The following CTNNA3 variants were observed in gnomAD, a reference collection of about 807,000 sequenced individuals.
CTNNA3 encodes catenin alpha 3, also known as catenin alpha-3.
In CTNNA3, 76 loss-of-function variants were observed where a neutral mutation model predicts 95.7. The observed-to-expected ratio is 0.79, with a 90% CI of 0.66 to 0.96. CTNNA3 has a LOEUF of 0.96. Among genes scored for constraint, CTNNA3 ranks in the 40% least tolerant of loss-of-function variants. CTNNA3 has a pLI of 0.00. For synonymous variants in CTNNA3, 431 were observed against 374.4 expected (o/e 1.15, Z -1.74); for missense variants, 1,191 against 1,089.8 (o/e 1.09, Z -1.31).
intron 12 of CTNNA3, among the ~76,000 whole-genome samples, chr10:66,370,704 T>C (rs2092747419): frequency 1.3e-5 from 2 of 151,972 alleles, no homozygotes; most frequent in Admixed American, 1.3e-4. Flanking sequence ...GTGCAAACAT[T>C]ATGATTTTAT....
At chr10:67,577,588 T>C (rs1173441634) in intron 3 of CTNNA3, among the ~76,000 whole-genome samples, 2 of 152,110 alleles carry the variant, frequency 1.3e-5, no homozygotes, top group Admixed American at 6.6e-5. Context: ...GTTTTAGACG[T>C]GAAACACCCA....
At chr10:67,293,177 T>G (rs1452040722) in intron 5 of CTNNA3, among the ~76,000 whole-genome samples, 1 of 152,156 alleles carries the variant, frequency 6.6e-6, no homozygotes, top group African/African-American at 2.4e-5. Flanking sequence ...TAGACTTTCT[T>G]TTTTATAAGT....
chr10:67,079,035 T>C (rs1048932081), intron 7 of CTNNA3, among the ~76,000 whole-genome samples: 3 of 152,126 alleles, frequency 2.0e-5, no homozygotes, highest in African/African-American at 7.2e-5. Flanking sequence ...CTTAATCCAC[T>C]TCAACTAGAA....
chr10:66,392,944 A>G (rs1302102699), intron 11 of CTNNA3, among the ~76,000 whole-genome samples: 2 of 151,994 alleles, frequency 1.3e-5, no homozygotes, highest in East Asian at 3.9e-4. Flanking sequence ...AAACCTGCAC[A>G]TGTGTCTTAA....
At chr10:66,246,028 G>A (rs1487451231) in intron 13 of CTNNA3, among the ~76,000 whole-genome samples, 1 of 152,202 alleles carries the variant, frequency 6.6e-6, no homozygotes, top group African/African-American at 2.4e-5. Flanking sequence ...GGGACTGGCA[G>A]CCCAGGCCCC....
intron 7 of CTNNA3, among the ~76,000 whole-genome samples, chr10:66,844,626 GAGTC>G (rs574192555): frequency 2.6e-5 from 4 of 152,244 alleles, no homozygotes; most frequent in African/African-American, 9.6e-5. Context: ...TTATATTAAG[GAGTC>G]AGTCAGTAAT....
At chr10:66,619,506 G>C (rs1844662306) in intron 10 of CTNNA3, among the ~76,000 whole-genome samples, 1 of 101,578 alleles carries the variant, frequency 9.8e-6, no homozygotes, top group South Asian at 4.2e-4. Flanking sequence ...GGTGGGAATT[G>C]AACAATGACA....
intron 11 of CTNNA3, among the ~76,000 whole-genome samples, chr10:66,474,620 A>C (rs1589300358): frequency 6.6e-6 from 1 of 152,004 alleles, no homozygotes; most frequent in East Asian, 1.9e-4. Context: ...AGAGACTTAC[A>C]TTCTGTTTTT....
chr10:66,187,181 A>G (rs1483656112), intron 13 of CTNNA3, among the ~76,000 whole-genome samples: 1 of 152,126 alleles, frequency 6.6e-6, no homozygotes, highest in African/African-American at 2.4e-5. Flanking sequence ...GGAAAATCCC[A>G]CGTGCAAAAC....
intron 5 of CTNNA3, among the ~76,000 whole-genome samples, chr10:67,327,751 G>T (rs568617104): frequency 1.3e-5 from 2 of 152,346 alleles, no homozygotes; most frequent in Non-Finnish European, 2.9e-5. Flanking sequence ...CTGTGGCATA[G>T]TGGGTGGCAG....
intron 1 of CTNNA3, among the ~76,000 whole-genome samples, chr10:67,708,707 C>T (rs1032603606): frequency 6.6e-6 from 1 of 152,088 alleles, no homozygotes; most frequent in Non-Finnish European, 1.5e-5. Context: ...TAAAGCAAGT[C>T]TCACCTAAAT....
intron 16 of CTNNA3, among the ~76,000 whole-genome samples, chr10:65,976,526 T>C (rs1197238199): frequency 6.6e-6 from 1 of 152,172 alleles, no homozygotes; most frequent in East Asian, 1.9e-4. Flanking sequence ...TTGACCTAAA[T>C]TTACCTTTCA....
intron 5 of CTNNA3, among the ~76,000 whole-genome samples, chr10:67,519,056 A>C (rs191882013): frequency 3.7e-4 from 56 of 152,274 alleles, no homozygotes; most frequent in Middle Eastern, 3.4e-3. Flanking sequence ...TTTTGAAAGT[A>C]GGAAAATGTA....
chr10:66,632,716 T>G (rs1350249523), intron 9 of CTNNA3, among the ~76,000 whole-genome samples: 2 of 152,126 alleles, frequency 1.3e-5, no homozygotes, highest in Non-Finnish European at 2.9e-5. Context: ...GTAAAAAGGC[T>G]AGAATATATT....
intron 7 of CTNNA3, among the ~76,000 whole-genome samples, chr10:66,947,301 G>C (rs2132705801): frequency 6.6e-6 from 1 of 152,140 alleles, no homozygotes. Context: ...GAGTTGTTCT[G>C]AGGTCCCACT....
chr10:67,193,510 C>T (rs544086419), intron 6 of CTNNA3, among the ~76,000 whole-genome samples: 2 of 152,078 alleles, frequency 1.3e-5, no homozygotes, highest in South Asian at 4.1e-4. Flanking sequence ...ACCCTCCACC[C>T]TCTATTAGGC....
chr10:66,838,959 T>C (rs947481946), intron 7 of CTNNA3, among the ~76,000 whole-genome samples: 1 of 152,152 alleles, frequency 6.6e-6, no homozygotes, highest in East Asian at 1.9e-4. Flanking sequence ...ACTATTTCAT[T>C]CTCCCTTCTG....
intron 13 of CTNNA3, among the ~76,000 whole-genome samples, chr10:66,137,719 G>T (rs1322449930): frequency 6.6e-6 from 1 of 152,072 alleles, no homozygotes; most frequent in Non-Finnish European, 1.5e-5. Flanking sequence ...GGCTGAGGTG[G>T]GTGGATAACC....
chr10:67,124,812 C>A (rs1217435042), intron 7 of CTNNA3, among the ~76,000 whole-genome samples: 1 of 152,150 alleles, frequency 6.6e-6, no homozygotes, highest in African/African-American at 2.4e-5. Context: ...GTGACATGAA[C>A]TAATTTGCCA....
Sources: gnomAD v4.1 joint callset for allele counts (sites outside exome capture counted in the v4.1 genomes callset) on GRCh38, gnomAD v4.1.1 for gene constraint, MANE v1.5 for transcripts, NCBI Gene and HGNC (gene_info 2026-07-23, HGNC 2026-07-21) for gene names.